The following SHANK2 variants were observed in gnomAD, a reference collection of about 807,000 sequenced individuals.
SHANK2 encodes SH3 and multiple ankyrin repeat domains 2, also known as SH3 and multiple ankyrin repeat domains protein 2.
Under a neutral mutation model 133.7 loss-of-function variants are expected in SHANK2, and 43 were observed. That is an observed-to-expected ratio of 0.32 (90% CI 0.25 to 0.41). SHANK2 has a LOEUF of 0.41. SHANK2 is among the 10% of genes least tolerant of loss of function. The pLI is 1.00. For synonymous variants in SHANK2, 1,017 were observed against 952.8 expected, an observed-to-expected ratio of 1.07 and a Z score of -1.24; for missense variants, 1,994 against 2,235.8, an observed-to-expected ratio of 0.89 and a Z score of 2.18.
rs2061459574 is a variant in SHANK2, at chr11:70,659,877, C to T, written c.2012G>A (p.Gly671Asp). 4 of 1,614,198 alleles carry T rather than the reference C, an allele frequency of 2.5e-6. No individual in the cohort carries two copies. The highest frequency in any genetic ancestry group is 1.7e-6 in the Non-Finnish European group (2 of 1,180,032). Reference protein sequence around the residue: ...ALQYLESVDEGGVAWQAGLRT... With the variant: ...ALQYLESVDEDGVAWQAGLRT... ...TAGTCCGGCTTGCCACGCCACCCCA[C>T]CTTCATCCACGGACTCCAGGTACTG... Residue 671 changes from glycine to aspartate, a missense_variant, in exon 17 of 26, where the codon GGT becomes GAT. By Grantham distance (94) the Gly-to-Asp change is moderately conservative. Coordinates refer to ENST00000601538, the MANE Select transcript of SHANK2 (RefSeq NM_012309.5).
intron 9 of SHANK2, among the ~76,000 whole-genome samples, chr11:71,058,735 C>G (rs926111240): frequency 1.3e-5 from 2 of 152,314 alleles, no homozygotes; most frequent in South Asian, 4.1e-4. Context: ...ACCACCTGGA[C>G]TCAACACTGC....
At chr11:71,083,980 G>T (rs1042490623) in intron 8 of SHANK2, among the ~76,000 whole-genome samples, 3 of 9,406 alleles carry the variant, frequency 3.2e-4, no homozygotes, top group African/African-American at 4.8e-4. Flanking sequence ...ACTTTTTTTT[G>T]GGGGGGGGAG....
At chr11:70,640,125 A>G (rs981376221) in intron 17 of SHANK2, among the ~76,000 whole-genome samples, 1 of 152,200 alleles carries the variant, frequency 6.6e-6, no homozygotes, top group East Asian at 1.9e-4. Flanking sequence ...TGTCTCCCAG[A>G]AAGATGTGCC....
chr11:70,530,241 G>A (rs781962885), intron 17 of SHANK2, among the ~76,000 whole-genome samples: 18 of 152,190 alleles, frequency 1.2e-4, no homozygotes, highest in Admixed American at 2.6e-4. Flanking sequence ...GGAGGAGGCC[G>A]GGCACCGTGG....
At chr11:70,773,461 C>T (rs1947298452) in intron 14 of SHANK2, among the ~76,000 whole-genome samples, 1 of 152,184 alleles carries the variant, frequency 6.6e-6, no homozygotes, top group Admixed American at 6.5e-5. Flanking sequence ...TCTCTTTTCA[C>T]TTGGAAAAAT....
At chr11:70,752,498 C>T (rs1946771138) in intron 14 of SHANK2, among the ~76,000 whole-genome samples, 1 of 152,102 alleles carries the variant, frequency 6.6e-6, no homozygotes, top group Admixed American at 6.5e-5. Context: ...GCAGACGGAT[C>T]ACAAGGTCAG....
chr11:71,092,135 G>A (rs782249541), intron 8 of SHANK2, among the ~76,000 whole-genome samples: 1 of 152,216 alleles, frequency 6.6e-6, no homozygotes, highest in Admixed American at 6.5e-5. Context: ...CCCCATAACT[G>A]CAGGGCACTC....
chr11:70,475,569 T>A (rs1555149953), intron 25 of SHANK2, among the ~76,000 whole-genome samples: 2 of 152,196 alleles, frequency 1.3e-5, no homozygotes, highest in East Asian at 1.9e-4. Context: ...CTACTTGATG[T>A]TAGTCACTGT....
chr11:70,535,504 G>A lies in SHANK2; in HGVS notation c.2062-32573C>T, dbSNP rs1267457243. 4.6e-5 allele frequency among the ~76,000 whole-genome samples: 7 copies of A among 152,010 alleles called. No individual in the cohort carries two copies. The highest frequency in any genetic ancestry group is 6.6e-5 in the Admixed American group (1 of 15,252). On this transcript the variant is annotated intron_variant, in intron 17 of 25. Coordinates refer to ENST00000601538, the MANE Select transcript of SHANK2 (RefSeq NM_012309.5). This position sits in a 1 kb window ranked among gnomAD's most constrained non-coding sequence, Gnocchi z 4.3. ...CATCCATCCATCCATCCGTCCGTCC[G>A]TCCATCTATTCATCCATTCACCATC...
At chr11:70,856,151 T>G (rs140760466) in intron 11 of SHANK2, among the ~76,000 whole-genome samples, 124 of 151,440 alleles carry the variant, frequency 8.2e-4, no homozygotes, top group African/African-American at 3.0e-3. Context: ...GGTGGATGGA[T>G]GGATGAATGG....
intron 2 of SHANK2, among the ~76,000 whole-genome samples, chr11:71,158,685 C>T (rs1469762328): frequency 6.6e-6 from 1 of 152,188 alleles, no homozygotes; most frequent in Non-Finnish European, 1.5e-5. Context: ...TAAGAGGAGA[C>T]TCATTCTACC....
chr11:70,486,169 ATGGTTC>A lies in SHANK2; in HGVS notation c.4118_4123del (p.Arg1373_Thr1374del). The A allele has an allele frequency of 6.2e-7, 1 of 1,613,730 alleles. No individual in the cohort carries two copies. The highest frequency in any genetic ancestry group is 1.1e-5 in the South Asian group (1 of 91,070). On this transcript the variant is annotated inframe_deletion, in exon 25 of 26. Coordinates refer to ENST00000601538, the MANE Select transcript of SHANK2 (RefSeq NM_012309.5). This position sits in a 1 kb window ranked among gnomAD's most constrained non-coding sequence, Gnocchi z 8.0. ...CTCTTCCATGGAGCCCACCGCGACG[ATGGTTC>A]TGCCGGGCACGGTGGTGGGCTCGGG...
intron 11 of SHANK2, 36 bp downstream of exon 11, chr11:70,896,465 C>A (rs1555075704): frequency 1.4e-6 from 1 of 695,510 alleles, no homozygotes; most frequent in Non-Finnish European, 2.7e-6. Context: ...ATCTCCAAAC[C>A]AAATCCCAAC....
chr11:70,709,441 G>T (rs1358803175), intron 14 of SHANK2, among the ~76,000 whole-genome samples: 1 of 152,222 alleles, frequency 6.6e-6, no homozygotes, highest in Non-Finnish European at 1.5e-5. Flanking sequence ...GGGAGCAGGG[G>T]AGAACCCTGA....
intron 17 of SHANK2, among the ~76,000 whole-genome samples, chr11:70,505,972 T>G (rs1453345272): frequency 3.3e-5 from 5 of 152,190 alleles, no homozygotes; most frequent in Non-Finnish European, 7.3e-5. Flanking sequence ...TTGGCCGCTT[T>G]GGGAGAAGCA....
At chr11:70,811,030 C>A (rs1948267359) in intron 12 of SHANK2, among the ~76,000 whole-genome samples, 1 of 152,190 alleles carries the variant, frequency 6.6e-6, no homozygotes, top group African/African-American at 2.4e-5. Flanking sequence ...TGCATGGATG[C>A]TCTTCAGCAG....
chr11:70,553,298 G>T (rs2059792498), intron 17 of SHANK2, among the ~76,000 whole-genome samples: 1 of 151,996 alleles, frequency 6.6e-6, no homozygotes, highest in East Asian at 1.9e-4. Flanking sequence ...TCACCATGTT[G>T]GTCAGGCTGG....
intron 17 of SHANK2, among the ~76,000 whole-genome samples, chr11:70,642,203 C>T (rs782540284): frequency 5.3e-5 from 8 of 152,216 alleles, no homozygotes; most frequent in East Asian, 1.9e-4. Flanking sequence ...TGCTGCGCTG[C>T]GCCCTGACCT....
rs1555151108 is a variant in SHANK2, at chr11:70,479,993, C to T, written c.4979+5321G>A. On this transcript the variant is annotated intron_variant, in intron 25 of 25. Transcript: ENST00000601538. The surrounding 1 kb of genome is among the most constrained non-coding windows in gnomAD (Gnocchi z 4.4). ...ACACTCCCACAGCAGCCTCCCTGTG[C>T]CACCAGTGCATTCACCTGATCACAC... Among the ~76,000 whole-genome samples, 1 of 152,210 alleles carries T rather than the reference C, an allele frequency of 6.6e-6. No homozygotes were observed. Among genetic ancestry groups the T allele is most frequent in the African/African-American group, 2.4e-5 (1 of 41,444 alleles).
Sources: gnomAD v4.1 joint callset for allele counts (sites outside exome capture counted in the v4.1 genomes callset) on GRCh38, gnomAD v4.1.1 for gene constraint, Gnocchi (gnomAD v3.1) non-coding constraint, MANE v1.5 for transcripts, NCBI Gene and HGNC (gene_info 2026-07-23, HGNC 2026-07-21) for gene names.